CYP3A43: variants seen among roughly 807,000 people sequenced by gnomAD.
CYP3A43 encodes the protein cytochrome P450 3A43.
In CYP3A43, 45 loss-of-function variants were observed where a neutral mutation model predicts 58.0. That is an observed-to-expected ratio of 0.78 (90% CI 0.61 to 0.99). The LOEUF is 0.99. Ranked by LOEUF, CYP3A43 falls within the 50% of genes least tolerant of loss-of-function variation. The probability of loss-of-function intolerance (pLI) is 0.00; values close to 1 mark genes in which losing one functional copy is unlikely to be tolerated. For synonymous variants in CYP3A43, 191 were observed against 201.4 expected (o/e 0.95, Z 0.44); for missense variants, 593 against 591.9 (o/e 1.00, Z -0.02).
At chr7:99,840,832 G>A (rs1374594828) in intron 3 of CYP3A43, among the ~76,000 whole-genome samples, 1 of 152,154 alleles carries the variant, frequency 6.6e-6, no homozygotes, top group African/African-American at 2.4e-5. Flanking sequence ...ACCACAATGG[G>A]ATTCACTGAG....
intron 10 of CYP3A43, among the ~76,000 whole-genome samples, 200 bp from the exon 11 acceptor site, chr7:99,861,413 A>G (rs964461117): frequency 3.3e-5 from 5 of 152,216 alleles, no homozygotes; most frequent in African/African-American, 1.2e-4. Context: ...TGCCAAATTC[A>G]TAACTCCTCC....
At chr7:99,837,328 AAAAAAAAGAAAAG>A (rs1440165854) in intron 2 of CYP3A43, among the ~76,000 whole-genome samples, 2 of 151,468 alleles carry the variant, frequency 1.3e-5, no homozygotes, top group East Asian at 1.9e-4. Context: ...CAAAAAAAAA[AAAAAAAAGAAAAG>A]AAAAAAAGAA....
At chr7:99,843,793 A>C (rs1817434071) in intron 3 of CYP3A43, among the ~76,000 whole-genome samples, 1 of 152,194 alleles carries the variant, frequency 6.6e-6, no homozygotes, top group Non-Finnish European at 1.5e-5. Flanking sequence ...AAACATACAA[A>C]AGATTATGGA....
At chr7:99,863,191 G>A (rs1274416589) in intron 11 of CYP3A43, among the ~76,000 whole-genome samples, 3 of 152,122 alleles carry the variant, frequency 2.0e-5, no homozygotes, top group African/African-American at 4.8e-5. Flanking sequence ...TCCTCTCTGT[G>A]ACTACAATGT....
intron 3 of CYP3A43, among the ~76,000 whole-genome samples, chr7:99,839,975 G>A (rs972199295): frequency 6.6e-6 from 1 of 152,104 alleles, no homozygotes; most frequent in Non-Finnish European, 1.5e-5. Flanking sequence ...TACTGTAAAT[G>A]GGGTGACAAA....
intron 1 of CYP3A43, among the ~76,000 whole-genome samples, chr7:99,829,780 A>T (rs1465315040): frequency 6.6e-6 from 1 of 152,226 alleles, no homozygotes; most frequent in Non-Finnish European, 1.5e-5. Flanking sequence ...CTTTCATGAC[A>T]GCAGACCTGC....
chr7:99,843,620 C>T (rs1276762142), intron 3 of CYP3A43, among the ~76,000 whole-genome samples: 1 of 151,958 alleles, frequency 6.6e-6, no homozygotes, highest in Non-Finnish European at 1.5e-5. Flanking sequence ...TGTGAGCCAC[C>T]ACGCCCAGCT....
intron 4 of CYP3A43, among the ~76,000 whole-genome samples, chr7:99,845,355 C>T (rs571846277): frequency 6.6e-6 from 1 of 151,944 alleles, no homozygotes; most frequent in Admixed American, 6.6e-5. Flanking sequence ...CAGAGTCTCG[C>T]TCTGTCACCC....
At chr7:99,864,365 C>A (rs533953000) in intron 12 of CYP3A43, among the ~76,000 whole-genome samples, 1 of 148,936 alleles carries the variant, frequency 6.7e-6, no homozygotes, top group African/African-American at 2.6e-5. Flanking sequence ...CTGCTTCATA[C>A]AAGCTGTGCA....
intron 3 of CYP3A43, among the ~76,000 whole-genome samples, chr7:99,843,785 A>G (rs1325962048): frequency 6.6e-6 from 1 of 152,178 alleles, no homozygotes; most frequent in Non-Finnish European, 1.5e-5. Flanking sequence ...AATATTTTAA[A>G]CATACAAAAG....
intron 12 of CYP3A43, among the ~76,000 whole-genome samples, chr7:99,864,230 T>C (rs1457818263): frequency 6.7e-6 from 1 of 148,652 alleles, no homozygotes; most frequent in Non-Finnish European, 1.5e-5. Context: ...AGCTCTCCCA[T>C]TGGTCCTCAT....
At chr7:99,853,304 T>C (rs1817833536) in intron 7 of CYP3A43, among the ~76,000 whole-genome samples, 3 of 152,236 alleles carry the variant, frequency 2.0e-5, no homozygotes, top group Admixed American at 2.0e-4. Flanking sequence ...GTCTGTTTCT[T>C]TCCAACTCAG....
At chr7:99,844,521 A>G (rs1297356780) in intron 4 of CYP3A43, among the ~76,000 whole-genome samples, 1 of 152,116 alleles carries the variant, frequency 6.6e-6, no homozygotes, top group East Asian at 1.9e-4. Context: ...ATGCAAATGT[A>G]CCCATGTGTA....
In CYP3A43 at chr7:99,865,932, A is replaced by C. The variant is rs772397525; in HGVS notation, c.1443A>C (p.Pro481=). 6.2e-7 allele frequency: 1 copy of C among 1,607,894 alleles called. No individual in the cohort carries two copies. Among genetic ancestry groups the C allele is most frequent in the Admixed American group, 1.7e-5 (1 of 59,220 alleles). The change falls in exon 13 of 13, where the codon CCA becomes CCC. Residue 481 remains proline (P), a synonymous_variant. Coordinates refer to ENST00000354829, the MANE Select transcript of CYP3A43 (RefSeq NM_057095.3). ...TCCCACTGAAATTAGACAATCTACC[A>C]ATTCTTCAACCAGAAAAACCTATTG... ...TQIPLKLDNL[P]ILQPEKPIVL...
intron 3 of CYP3A43, among the ~76,000 whole-genome samples, chr7:99,841,124 G>A (rs768215695): frequency 1.6e-4 from 24 of 152,176 alleles, no homozygotes; most frequent in Non-Finnish European, 2.4e-4. Flanking sequence ...ATAAGGAGCC[G>A]ATGTGGCTTT....
At chr7:99,855,502 A>G in intron 7 of CYP3A43, 89 bp from the exon 8 acceptor site, 2 of 1,451,372 alleles carry the variant, frequency 1.4e-6, no homozygotes, top group Non-Finnish European at 1.8e-6. Flanking sequence ...CCTGAAGTCT[A>G]TAGGTAGAGA....
intron 5 of CYP3A43, 141 bp from the exon 6 acceptor site, chr7:99,848,025 A>AG: frequency 1.3e-6 from 1 of 794,936 alleles, no homozygotes; most frequent in Non-Finnish European, 2.0e-6. Context: ...AAAAAGGGGC[A>AG]GGGGGCGGTC....
chr7:99,828,058 G>C lies in CYP3A43; in HGVS notation c.-58G>C. On this transcript the variant is annotated 5_prime_UTR_variant, in exon 1 of 13. Transcript: ENST00000354829. Reference sequence around the variant, plus strand: ...AGCTCTATATGCACAGCCCAGCAAAGAGCAGCACACAGCTGAAAGAAAAAC... The same window carrying C: ...AGCTCTATATGCACAGCCCAGCAAACAGCAGCACACAGCTGAAAGAAAAAC... 2.7e-6 allele frequency: 4 copies of C among 1,463,640 alleles called. No homozygotes were observed. The highest frequency in any genetic ancestry group is 1.4e-5 in the African/African-American group (1 of 71,928). 90.7% of individuals were successfully genotyped at this position (1,463,640 alleles called of 1,614,324 possible). A position where few individuals can be genotyped will look rare whatever the true frequency, so the allele number is the denominator to read the frequency against.
At chr7:99,845,067 C>CAA (rs575207725) in intron 4 of CYP3A43, among the ~76,000 whole-genome samples, 10 of 105,482 alleles carry the variant, frequency 9.5e-5, no homozygotes, top group East Asian at 3.2e-4. Context: ...GACTCAGTCT[C>CAA]AAAAAAAAAA....
Sources: allele counts gnomAD v4.1 joint callset (sites outside exome capture counted in the v4.1 genomes callset), GRCh38; gene constraint gnomAD v4.1.1; transcripts MANE v1.5; gene names NCBI Gene and HGNC (gene_info 2026-07-23, HGNC 2026-07-21).